The following DMD variants were observed in gnomAD, a reference collection of about 807,000 sequenced individuals.
DMD encodes the protein dystrophin, also known as mutant dystrophin.
In DMD, 63 loss-of-function variants were observed where a neutral mutation model predicts 330.1. The observed-to-expected ratio is 0.19, with a 90% CI of 0.16 to 0.24. The LOEUF is 0.24. DMD is among the 10% of genes least tolerant of loss of function. DMD has a pLI of 1.00. For synonymous variants in DMD, 1,223 were observed against 959.8 expected (o/e 1.27, Z -5.07); for missense variants, 3,344 against 2,684.1 (o/e 1.25, Z -5.43).
chrX:32,516,654 A>G (rs2045890079), intron 18 of DMD: 2 of 111,837 alleles, frequency 1.8e-5, no homozygotes, highest in Admixed American at 1.9e-4. Flanking sequence ...AAGGTGATTC[A>G]TACTTTCAGT....
chrX:33,012,075 C>A (rs1397636608), intron 2 of DMD, among the ~76,000 whole-genome samples: 2 of 111,533 alleles, frequency 1.8e-5, no homozygotes, highest in African/African-American at 3.2e-5. Context: ...TGATAAACAG[C>A]AACATATTTC....
At chrX:32,132,387 G>C (rs189321543) in intron 44 of DMD, among the ~76,000 whole-genome samples, 1 of 111,658 alleles carries the variant, frequency 9.0e-6, no homozygotes, top group Non-Finnish European at 1.9e-5. Flanking sequence ...ACATCCTAGT[G>C]AGGTAGGGAA....
intron 7 of DMD, among the ~76,000 whole-genome samples, chrX:32,742,923 G>A (rs2069488362): frequency 8.9e-6 from 1 of 111,867 alleles, no homozygotes; most frequent in African/African-American, 3.2e-5. Flanking sequence ...AAGGCCAAGA[G>A]AGGATAAGTA....
In DMD at chrX:32,289,256, C is replaced by A. The variant is rs1039592969; in HGVS notation, c.6118-1555G>T. Among the ~76,000 whole-genome samples, 96 of 110,902 alleles carry A rather than the reference C, an allele frequency of 8.7e-4. 1 individual carries two copies. The highest frequency in any genetic ancestry group is 2.8e-3 in the African/African-American group (87 of 30,559). ...TGCTTGCTGACTGAGCTCCTCTCTA[C>A]CCTGAATACAAGAGACCCTAATAGT... On this transcript the variant is annotated intron_variant, in intron 42 of 78. Coordinates refer to ENST00000357033, the MANE Select transcript of DMD (RefSeq NM_004006.3).
chrX:33,324,665 T>G (rs906754928), intron 1 of DMD, among the ~76,000 whole-genome samples: 3 of 111,287 alleles, frequency 2.7e-5, no homozygotes, highest in Non-Finnish European at 5.7e-5. Context: ...TAATTGTTCT[T>G]AAAATGTGAT....
chrX:32,805,174 G>A (rs899607747), intron 7 of DMD, among the ~76,000 whole-genome samples: 1 of 111,611 alleles, frequency 9.0e-6, no homozygotes, highest in Non-Finnish European at 1.9e-5. Flanking sequence ...CCAAGCTAAA[G>A]GAGCATGTTC....
chrX:33,254,647 C>T lies in DMD; in HGVS notation c.7+84612G>A, dbSNP rs148002592. 3.1e-3 allele frequency among the ~76,000 whole-genome samples: 340 copies of T among 110,404 alleles called. 1 individual carries two copies. Among genetic ancestry groups the T allele is most frequent in the African/African-American group, 0.011 (324 of 30,700 alleles). On this transcript the variant is annotated intron_variant, in intron 1 of 17. Transcript: ENST00000288447. Reference sequence around the variant, plus strand: ...CGAAAGAAATAAATCAGAGAAAAAACAGCATGCTAAAATGTAAATCTTATA... The same window carrying T: ...CGAAAGAAATAAATCAGAGAAAAAATAGCATGCTAAAATGTAAATCTTATA...
chrX:32,618,802 G>A (rs1459524288), intron 11 of DMD, among the ~76,000 whole-genome samples: 4 of 110,907 alleles, frequency 3.6e-5, no homozygotes, highest in Non-Finnish European at 5.7e-5. Flanking sequence ...CATGTATTAC[G>A]TACCTGCAAA....
chrX:31,145,707 G>A (rs2036604606), intron 76 of DMD, among the ~76,000 whole-genome samples: 1 of 101,185 alleles, frequency 9.9e-6, no homozygotes, highest in African/African-American at 3.9e-5. Context: ...CTGTCGCCCA[G>A]GCTGGAGTGC....
chrX:31,726,850 G>A (rs961495969), intron 52 of DMD, among the ~76,000 whole-genome samples: 3 of 111,578 alleles, frequency 2.7e-5, no homozygotes, highest in Non-Finnish European at 5.6e-5. Context: ...TGGACCATTT[G>A]GATTACAGCC....
At chrX:33,141,231 T>C (rs2047780923) in intron 1 of DMD, among the ~76,000 whole-genome samples, 1 of 111,023 alleles carries the variant, frequency 9.0e-6, no homozygotes, top group Admixed American at 9.7e-5. Flanking sequence ...TATAATATGG[T>C]TGTGTTCATC....
chrX:31,148,750 A>G (rs981798235), intron 74 of DMD, among the ~76,000 whole-genome samples: 2 of 112,126 alleles, frequency 1.8e-5, no homozygotes, highest in African/African-American at 6.5e-5. Flanking sequence ...GTTTTAGTTA[A>G]CCTGATGGGT....
At chrX:31,223,200 G>T in intron 63 of DMD, 79 bp from the exon 64 acceptor site, 1 of 866,642 alleles carries the variant, frequency 1.2e-6, no homozygotes, top group Non-Finnish European at 1.7e-6. Context: ...CCAGTGATTT[G>T]CCAATAACTA....
intron 44 of DMD, among the ~76,000 whole-genome samples, chrX:32,197,194 T>A (rs2606675): frequency 1.9e-5 from 2 of 107,760 alleles, no homozygotes; most frequent in Admixed American, 1.0e-4. Flanking sequence ...TGTGGGTACA[T>A]CGTAGGAGTA....
rs112422632 is a variant in DMD at position 32,617,045 on chromosome X, G to A, written c.1332-2592C>T. ...TTGAGATGACCGCTGTTCATGTTTG[G>A]CTCCTCATGCTGCTGAATCCACAGA... On this transcript the variant is annotated intron_variant, in intron 11 of 78. Coordinates refer to ENST00000357033, the MANE Select transcript of DMD (RefSeq NM_004006.3). Among the ~76,000 whole-genome samples the A allele has an allele frequency of 6.3e-3, 695 of 109,589 alleles. 6 individuals are homozygous for A. The highest frequency in any genetic ancestry group is 0.011 in the Non-Finnish European group (567 of 52,449).
At chrX:32,881,397 G>A (rs748457557) in intron 2 of DMD, among the ~76,000 whole-genome samples, 2 of 112,363 alleles carry the variant, frequency 1.8e-5, no homozygotes, top group Admixed American at 1.9e-4. Context: ...TGTTAGGACA[G>A]TATTATCTGT....
rs139087390 is a variant in DMD at position 32,939,035 on chromosome X, G to A, written c.93+81104C>T. Among the ~76,000 whole-genome samples the A allele has an allele frequency of 7.9e-3, 863 of 109,727 alleles. 7 individuals carry two copies. The highest frequency in any genetic ancestry group is 0.026 in the African/African-American group (774 of 30,323). On this transcript the variant is annotated intron_variant, in intron 2 of 78. Coordinates refer to ENST00000357033, the MANE Select transcript of DMD (RefSeq NM_004006.3). ...GAGGTCTAATTATAGGGGATTTTAC[G>A]TTTTTCATAATGTCTACAATGAGCA...
intron 1 of DMD, among the ~76,000 whole-genome samples, chrX:33,298,354 T>C (rs759790634): frequency 1.3e-3 from 146 of 111,872 alleles, no homozygotes; most frequent in African/African-American, 4.7e-3. Context: ...TTTCCTTCTA[T>C]TAAGACCATA....
intron 30 of DMD, among the ~76,000 whole-genome samples, chrX:32,405,590 T>C (rs1261764836): frequency 9.0e-6 from 1 of 111,539 alleles, no homozygotes; most frequent in Non-Finnish European, 1.9e-5. Context: ...GGTAGATTGA[T>C]GCTGTGGCCA....
Sources: allele counts gnomAD v4.1 joint callset (sites outside exome capture counted in the v4.1 genomes callset), GRCh38; gene constraint gnomAD v4.1.1; transcripts MANE v1.5; gene names NCBI Gene and HGNC (gene_info 2026-07-23, HGNC 2026-07-21).